The following NBEA variants were observed in gnomAD, a reference collection of about 807,000 sequenced individuals.
The protein encoded by NBEA is lysosomal-trafficking regulator 2.
Under a neutral mutation model 343.4 loss-of-function variants are expected in NBEA, and 44 were observed. That is an observed-to-expected ratio of 0.13 (90% CI 0.10 to 0.16). The LOEUF (loss-of-function observed/expected upper bound fraction) is 0.16, where lower values mean the gene tolerates loss of function less well. Ranked by LOEUF, NBEA falls within the 10% of genes least tolerant of loss-of-function variation. NBEA has a pLI of 1.00. For synonymous variants in NBEA, 1,175 were observed against 1,238.7 expected, an observed-to-expected ratio of 0.95 and a Z score of 1.08; for missense variants, 2,555 against 3,631.3, an observed-to-expected ratio of 0.70 and a Z score of 7.62.
At chr13:35,584,768 G>A (rs2081216950) in intron 46 of NBEA, among the ~76,000 whole-genome samples, 2 of 152,004 alleles carry the variant, frequency 1.3e-5, no homozygotes, top group Admixed American at 1.3e-4. Flanking sequence ...CCAAAGTACT[G>A]GGATTACAGG....
At chr13:35,372,007 G>T (rs2041459980) in intron 38 of NBEA, among the ~76,000 whole-genome samples, 1 of 152,166 alleles carries the variant, frequency 6.6e-6, no homozygotes, top group African/African-American at 2.4e-5. Flanking sequence ...GCAATGGTGG[G>T]CCAAGTCTGC....
Position 34,943,004 on chromosome 13 carries a change from A to G in NBEA, c.184A>G (p.Asn62Asp). Residue 62 changes from asparagine to aspartate, a missense_variant, in exon 1 of 59, where the codon AAC becomes GAC. Physicochemically the swap from Asn to Asp is conservative, Grantham distance 23 (BLOSUM62 1). Transcript: ENST00000379939. ...GGTGATGCTCCCCGCGGGGATGATT[A>G]ACCCTTCGGTGCCGATCCGCAACAT... ...GSVMLPAGMINPSVPIRNIRM... is the reference protein window; with the variant it reads ...GSVMLPAGMIDPSVPIRNIRM... The G allele has an allele frequency of 6.2e-7, 1 of 1,611,906 alleles. No homozygotes were observed. The highest frequency in any genetic ancestry group is 8.5e-7 in the Non-Finnish European group (1 of 1,179,112).
intron 38 of NBEA, among the ~76,000 whole-genome samples, chr13:35,358,375 C>A (rs1277816565): frequency 3.9e-5 from 6 of 151,930 alleles, no homozygotes; most frequent in Admixed American, 2.6e-4. Context: ...ATACTTTCTC[C>A]CCAACTGAGC....
intron 38 of NBEA, among the ~76,000 whole-genome samples, chr13:35,427,836 G>T (rs895358726): frequency 9.2e-5 from 14 of 152,080 alleles, no homozygotes; most frequent in Non-Finnish European, 1.8e-4. Context: ...AGCAATGGCG[G>T]GCGCCCCTTC....
At chr13:35,242,428 A>G (rs2030464946) in intron 34 of NBEA, among the ~76,000 whole-genome samples, 1 of 151,862 alleles carries the variant, frequency 6.6e-6, no homozygotes, top group South Asian at 2.1e-4. Context: ...CTTCAGACAG[A>G]CTAACATAGG....
At chr13:35,545,836 C>T (rs76802127) in intron 41 of NBEA, among the ~76,000 whole-genome samples, 1,865 of 152,240 alleles carry the variant, frequency 0.012, 4 homozygotes, top group Middle Eastern at 0.034. Flanking sequence ...GAGAAACCAG[C>T]TGTATTTAGA....
rs748116353 is a variant in NBEA, at chr13:35,045,278, A to G, written c.628-28A>G. On this transcript the variant is annotated intron_variant, in intron 3 of 58. Transcript: ENST00000379939. ...GTATGATTGCTAAATTTGTACAATG[A>G]CATTTCTTTCTTTTATTGTTTCCCC... The G allele has an allele frequency of 2.6e-6, 4 of 1,555,010 alleles. No individual in the cohort carries two copies. In the South Asian group the frequency reaches 3.5e-5, roughly 14 times the overall value.
intron 41 of NBEA, among the ~76,000 whole-genome samples, chr13:35,507,234 A>G (rs947382403): frequency 5.3e-5 from 8 of 151,958 alleles, no homozygotes; most frequent in Non-Finnish European, 1.5e-5. Flanking sequence ...TCTCCTTTTC[A>G]GTCTTCTTTG....
At chr13:35,585,053 T>A (rs1468960461) in intron 46 of NBEA, among the ~76,000 whole-genome samples, 1 of 143,478 alleles carries the variant, frequency 7.0e-6, no homozygotes, top group Non-Finnish European at 1.5e-5. Context: ...AAAACCAGTT[T>A]CCAAATGTTT....
chr13:35,495,138 T>A (rs1035670048), intron 41 of NBEA, among the ~76,000 whole-genome samples: 3 of 151,844 alleles, frequency 2.0e-5, no homozygotes, highest in African/African-American at 7.3e-5. Flanking sequence ...CCAGTTTAGG[T>A]TCAAAGATAC....
intron 1 of NBEA, among the ~76,000 whole-genome samples, chr13:34,992,257 TATATA>T (rs1425524370): frequency 2.0e-4 from 27 of 136,580 alleles, no homozygotes; most frequent in South Asian, 1.1e-3. Context: ...TATATATATA[TATATA>T]TTTTTTTTTT....
intron 41 of NBEA, among the ~76,000 whole-genome samples, chr13:35,481,920 G>T (rs889909728): frequency 6.6e-6 from 1 of 151,668 alleles, no homozygotes; most frequent in Non-Finnish European, 1.5e-5. Flanking sequence ...AATCAGAATC[G>T]ATTAGTGTCT....
chr13:35,625,493 T>G (rs2083186339), intron 48 of NBEA, among the ~76,000 whole-genome samples: 1 of 151,914 alleles, frequency 6.6e-6, no homozygotes, highest in Non-Finnish European at 1.5e-5. Context: ...CGGTGGCGCA[T>G]GTCTGTAGTC....
intron 24 of NBEA, among the ~76,000 whole-genome samples, chr13:35,166,404 AGGTTGGC>A (rs2070036528): frequency 6.6e-6 from 1 of 152,156 alleles, no homozygotes; most frequent in Non-Finnish European, 1.5e-5. Flanking sequence ...TGACGCTTTG[AGGTTGGC>A]TTCCAAAATT....
intron 38 of NBEA, among the ~76,000 whole-genome samples, chr13:35,384,806 G>A (rs920693645): frequency 6.6e-6 from 1 of 152,050 alleles, no homozygotes; most frequent in Non-Finnish European, 1.5e-5. Context: ...GATTATAGGC[G>A]TGAGCCACCG....
intron 45 of NBEA, among the ~76,000 whole-genome samples, chr13:35,567,552 A>G (rs1011018298): frequency 6.6e-6 from 1 of 152,218 alleles, no homozygotes; most frequent in African/African-American, 2.4e-5. Flanking sequence ...ATTTGTCCAG[A>G]GGAAACTACA....
chr13:35,229,330 C>G (rs1405190745), intron 33 of NBEA, among the ~76,000 whole-genome samples: 1 of 152,058 alleles, frequency 6.6e-6, no homozygotes, highest in African/African-American at 2.4e-5. Flanking sequence ...CCATGCCCAG[C>G]CTAAATGAAT....
intron 34 of NBEA, among the ~76,000 whole-genome samples, chr13:35,284,460 T>A (rs1042439634): frequency 6.6e-6 from 1 of 152,154 alleles, no homozygotes; most frequent in Admixed American, 6.6e-5. Context: ...ATGAATTTTA[T>A]TATAGTTTTA....
At chr13:35,220,085 G>T (rs943870007) in intron 33 of NBEA, among the ~76,000 whole-genome samples, 1 of 152,050 alleles carries the variant, frequency 6.6e-6, no homozygotes, top group Non-Finnish European at 1.5e-5. Flanking sequence ...CCTCCACATC[G>T]CAGGAGTTAT....
Sources: allele counts gnomAD v4.1 joint callset (sites outside exome capture counted in the v4.1 genomes callset), GRCh38; gene constraint gnomAD v4.1.1; transcripts MANE v1.5; gene names NCBI Gene and HGNC (gene_info 2026-07-23, HGNC 2026-07-21).